Variants in RBFOX1 observed in about 807,000 individuals in gnomAD.
The protein encoded by RBFOX1 is RNA binding fox-1 homolog 1.
In RBFOX1, 8 loss-of-function variants were observed where a neutral mutation model predicts 57.7. That is an observed-to-expected ratio of 0.14 (90% confidence interval 0.08 to 0.25). The LOEUF is 0.25. RBFOX1 is among the 10% of genes least tolerant of loss of function. The pLI, the probability that RBFOX1 is intolerant of heterozygous loss-of-function variation, is 1.00. For synonymous variants in RBFOX1, 326 were observed against 222.4 expected (o/e 1.47, Z -4.15); for missense variants, 611 against 548.5 (o/e 1.11, Z -1.14).
intron 4 of RBFOX1, among the ~76,000 whole-genome samples, chr16:7,264,411 C>G (rs912451127): frequency 2.2e-4 from 34 of 152,198 alleles, no homozygotes; most frequent in African/African-American, 7.7e-4. Context: ...TACAACAGAT[C>G]TGGGATGGCT....
chr16:7,109,365 G>C (rs537562091), intron 4 of RBFOX1, among the ~76,000 whole-genome samples: 4 of 152,194 alleles, frequency 2.6e-5, no homozygotes, highest in East Asian at 1.9e-4. Flanking sequence ...CCTCTCACCA[G>C]ATTTGACTAC....
chr16:7,518,477 C>G (rs1269899648), intron 5 of RBFOX1, 88 bp downstream of exon 5: 1 of 1,498,632 alleles, frequency 6.7e-7, no homozygotes, highest in African/African-American at 1.4e-5. Flanking sequence ...CCCCATCTAC[C>G]CAGGGACTCT....
At chr16:5,311,102 C>T (rs1243283402) in intron 1 of RBFOX1, among the ~76,000 whole-genome samples, 3 of 152,152 alleles carry the variant, frequency 2.0e-5, no homozygotes, top group Non-Finnish European at 4.4e-5. Flanking sequence ...TTTGGTTTCC[C>T]ATTCCTGAGT....
chr16:6,675,822 C>T (rs143608977), intron 3 of RBFOX1, among the ~76,000 whole-genome samples: 9 of 152,146 alleles, frequency 5.9e-5, no homozygotes, highest in African/African-American at 7.2e-5. Flanking sequence ...TATCTCCCAC[C>T]AGGCCCCTCC....
intron 4 of RBFOX1, among the ~76,000 whole-genome samples, chr16:7,455,793 A>AG (rs1353464163): frequency 2.0e-5 from 3 of 150,834 alleles, no homozygotes; most frequent in Non-Finnish European, 4.4e-5. Flanking sequence ...CTCAAAAAAA[A>AG]AAAAAAAAGA....
intron 4 of RBFOX1, among the ~76,000 whole-genome samples, chr16:7,303,118 C>T (rs1261100967): frequency 6.6e-6 from 1 of 152,224 alleles, no homozygotes. Context: ...GTTAGTCCAA[C>T]AGGCTTGATT....
intron 2 of RBFOX1, among the ~76,000 whole-genome samples, chr16:5,467,824 G>T (rs1407400637): frequency 6.6e-6 from 1 of 152,294 alleles, no homozygotes; most frequent in African/African-American, 2.4e-5. Flanking sequence ...CCACGATGTT[G>T]TATCCACTCT....
intron 2 of RBFOX1, among the ~76,000 whole-genome samples, chr16:6,365,884 A>G (rs1407646466): frequency 6.6e-6 from 1 of 152,234 alleles, no homozygotes; most frequent in African/African-American, 2.4e-5. Flanking sequence ...AATACCTAGA[A>G]TAGAGAGAGC....
chr16:6,376,352 G>C (rs929933276), intron 2 of RBFOX1, among the ~76,000 whole-genome samples: 1 of 152,086 alleles, frequency 6.6e-6, no homozygotes, highest in African/African-American at 2.4e-5. Context: ...TCACAAACTA[G>C]GTGGCTTAAA....
At chr16:7,568,164 T>G (rs2152746233) in intron 5 of RBFOX1, among the ~76,000 whole-genome samples, 1 of 151,984 alleles carries the variant, frequency 6.6e-6, no homozygotes, top group Non-Finnish European at 1.5e-5. Flanking sequence ...TAAAAATAAG[T>G]TTATTAGAGA....
chr16:6,977,139 ATT>A (rs2087200045), intron 3 of RBFOX1, among the ~76,000 whole-genome samples: 2 of 136,788 alleles, frequency 1.5e-5, no homozygotes, highest in Admixed American at 7.8e-5. Flanking sequence ...TATGATATAT[ATT>A]ATATATATCA....
At chr16:5,265,755 T>C (rs1295337633) in intron 1 of RBFOX1, among the ~76,000 whole-genome samples, 1 of 152,144 alleles carries the variant, frequency 6.6e-6, no homozygotes, top group African/African-American at 2.4e-5. Flanking sequence ...ATTAAACAAA[T>C]AGGTACCTCT....
rs557187968 is a variant in RBFOX1, at chr16:6,126,497, G to T, written c.-127+106505G>T. 2.6e-5 allele frequency among the ~76,000 whole-genome samples: 4 copies of T among 152,294 alleles called. No individual in the cohort carries two copies. The South Asian group carries it at 8.3e-4, about 32-fold the overall frequency. ...TAGAAGAAGGAATCAGACAAAGATA[G>T]TTATGTAATATGCCGAAGATCACAG... On this transcript the variant is annotated intron_variant, in intron 1 of 15. Transcript: ENST00000550418.
At chr16:6,828,885 C>G (rs2092455341) in intron 3 of RBFOX1, among the ~76,000 whole-genome samples, 1 of 152,142 alleles carries the variant, frequency 6.6e-6, no homozygotes, top group Non-Finnish European at 1.5e-5. Flanking sequence ...GCTAAAGAAA[C>G]ACATAAAGGT....
At chr16:7,584,184 C>T (rs1189588823) in intron 6 of RBFOX1, among the ~76,000 whole-genome samples, 2 of 152,184 alleles carry the variant, frequency 1.3e-5, no homozygotes, top group Admixed American at 6.5e-5. Context: ...ATGCTGTATC[C>T]ATTGAACATC....
chr16:5,242,570 G>T (rs1374798809), intron 1 of RBFOX1, among the ~76,000 whole-genome samples: 1 of 152,178 alleles, frequency 6.6e-6, no homozygotes, highest in African/African-American at 2.4e-5. Flanking sequence ...TTGAGGAGGA[G>T]AACCCGTTTC....
intron 2 of RBFOX1, among the ~76,000 whole-genome samples, chr16:6,494,875 T>C (rs1244465812): frequency 1.3e-5 from 2 of 152,194 alleles, no homozygotes; most frequent in Admixed American, 6.5e-5. Context: ...AGCCAGCATT[T>C]ATGTAGCATC....
chr16:6,124,027 G>C (rs546033423), intron 1 of RBFOX1, among the ~76,000 whole-genome samples: 1 of 152,290 alleles, frequency 6.6e-6, no homozygotes, highest in African/African-American at 2.4e-5. Context: ...TCCCTTCATG[G>C]GGGGCTCATT....
At chr16:5,470,702 C>T (rs2069105975) in intron 2 of RBFOX1, among the ~76,000 whole-genome samples, 1 of 152,078 alleles carries the variant, frequency 6.6e-6, no homozygotes. Flanking sequence ...AGGTAACCTG[C>T]CCACAGTCAC....
Sources: gnomAD v4.1 joint callset for allele counts (sites outside exome capture counted in the v4.1 genomes callset) on GRCh38, gnomAD v4.1.1 for gene constraint, MANE v1.5 for transcripts, NCBI Gene and HGNC (gene_info 2026-07-23, HGNC 2026-07-21) for gene names.